Variants in SDK1 observed in about 807,000 individuals in gnomAD.
SDK1 encodes sidekick cell adhesion molecule 1.
Under a neutral mutation model 245.5 loss-of-function variants are expected in SDK1, and 157 were observed. The ratio of observed to expected loss-of-function variants is 0.64; its 90% CI spans 0.56 to 0.73. The LOEUF is 0.73. SDK1 is among the 30% of genes least tolerant of loss of function. The pLI, the probability that SDK1 is intolerant of heterozygous loss-of-function variation, is 0.00. For missense variants in SDK1, 3,583 were observed against 3,002.3 expected, an observed-to-expected ratio of 1.19 and a Z score of -4.52; for synonymous variants, 1,647 against 1,278.5, an observed-to-expected ratio of 1.29 and a Z score of -6.15.
chr7:3,466,109 C>T (rs1341087614), intron 1 of SDK1, among the ~76,000 whole-genome samples: 2 of 151,928 alleles, frequency 1.3e-5, no homozygotes, highest in African/African-American at 2.4e-5. Flanking sequence ...TGACTACTAC[C>T]ATGTGGAGCA....
chr7:3,586,859 T>G (rs1282602529), intron 1 of SDK1, among the ~76,000 whole-genome samples: 1 of 152,122 alleles, frequency 6.6e-6, no homozygotes, highest in Non-Finnish European at 1.5e-5. Flanking sequence ...AGCTGCCACT[T>G]GAGCAGGGAG....
At chr7:3,952,659 T>C (rs1583618435) in intron 7 of SDK1, among the ~76,000 whole-genome samples, 1 of 151,760 alleles carries the variant, frequency 6.6e-6, no homozygotes, top group Middle Eastern at 3.4e-3. Context: ...TAGCAGAAAA[T>C]GTAAAACTAT....
At chr7:3,865,826 A>G (rs951118629) in intron 5 of SDK1, among the ~76,000 whole-genome samples, 3 of 152,080 alleles carry the variant, frequency 2.0e-5, no homozygotes, top group African/African-American at 4.8e-5. Flanking sequence ...CATCAGTTTT[A>G]TGGATTTTTC....
chr7:3,677,051 C>G (rs548847255), intron 4 of SDK1, among the ~76,000 whole-genome samples: 1 of 152,162 alleles, frequency 6.6e-6, no homozygotes, highest in Non-Finnish European at 1.5e-5. Context: ...ATGTTTGTTT[C>G]TTATGACTTC....
chr7:3,502,604 CA>C (rs1782252700), intron 1 of SDK1, among the ~76,000 whole-genome samples: 1 of 152,166 alleles, frequency 6.6e-6, no homozygotes. Flanking sequence ...ATTGCACATA[CA>C]AAATTTGGAT....
At chr7:3,597,492 G>T (rs886657975) in intron 1 of SDK1, among the ~76,000 whole-genome samples, 1 of 152,116 alleles carries the variant, frequency 6.6e-6, no homozygotes, top group Non-Finnish European at 1.5e-5. Context: ...CGGCGGCGGG[G>T]AGGCCACCTG....
intron 1 of SDK1, among the ~76,000 whole-genome samples, chr7:3,580,053 C>G (rs948223998): frequency 6.6e-6 from 1 of 152,122 alleles, no homozygotes; most frequent in African/African-American, 2.4e-5. Context: ...TAGCCACAAA[C>G]ATAATGTAAT....
chr7:3,303,677 A>G (rs1364222943), intron 1 of SDK1, among the ~76,000 whole-genome samples: 1 of 152,196 alleles, frequency 6.6e-6, no homozygotes, highest in African/African-American at 2.4e-5. Context: ...AAAATTTCAG[A>G]TAGGTTGTCA....
intron 1 of SDK1, among the ~76,000 whole-genome samples, chr7:3,610,564 T>C (rs1781555205): frequency 6.6e-6 from 1 of 152,224 alleles, no homozygotes; most frequent in African/African-American, 2.4e-5. Context: ...TATTAATTTA[T>C]ATACTGAAAT....
intron 35 of SDK1, among the ~76,000 whole-genome samples, chr7:4,205,177 A>G (rs1469997414): frequency 3.3e-5 from 5 of 152,288 alleles, no homozygotes; most frequent in Admixed American, 6.5e-5. Context: ...TCAGAGAGCA[A>G]AGTGCAGCCA....
intron 18 of SDK1, among the ~76,000 whole-genome samples, chr7:4,049,767 A>G (rs1410788013): frequency 6.6e-6 from 1 of 152,214 alleles, no homozygotes; most frequent in Admixed American, 6.5e-5. Context: ...GAATATTTGC[A>G]CAAACTACTT....
intron 35 of SDK1, among the ~76,000 whole-genome samples, chr7:4,199,449 C>G (rs962422099): frequency 2.6e-5 from 4 of 152,208 alleles, no homozygotes; most frequent in Non-Finnish European, 4.4e-5. Flanking sequence ...AAGATCATTA[C>G]TGGACGAAAT....
chr7:3,716,292 A>G (rs1785199960), intron 4 of SDK1, among the ~76,000 whole-genome samples: 2 of 152,188 alleles, frequency 1.3e-5, no homozygotes. Context: ...ACAAGCCTAC[A>G]GATTCAAGAA....
intron 35 of SDK1, among the ~76,000 whole-genome samples, chr7:4,190,725 C>T (rs1182704134): frequency 6.6e-6 from 1 of 152,248 alleles, no homozygotes; most frequent in Non-Finnish European, 1.5e-5. Flanking sequence ...TCAGAATTCA[C>T]GGCTTCCTTC....
intron 2 of SDK1, among the ~76,000 whole-genome samples, chr7:3,633,385 C>A (rs1286904060): frequency 1.3e-5 from 2 of 152,084 alleles, no homozygotes; most frequent in Non-Finnish European, 2.9e-5. Context: ...TGGTTTTGGC[C>A]TGTAACAGGT....
chr7:3,965,727 G>A (rs1184031554), intron 9 of SDK1, among the ~76,000 whole-genome samples: 1 of 149,666 alleles, frequency 6.7e-6, no homozygotes, highest in East Asian at 2.0e-4. Flanking sequence ...CCAGCCAGGG[G>A]TGCTGCAGAA....
At chr7:3,855,995 T>C (rs1780535916) in intron 5 of SDK1, among the ~76,000 whole-genome samples, 1 of 152,200 alleles carries the variant, frequency 6.6e-6, no homozygotes, top group Admixed American at 6.5e-5. Flanking sequence ...AAGAATTTAC[T>C]GAAACTTACT....
intron 1 of SDK1, among the ~76,000 whole-genome samples, chr7:3,605,141 A>G (rs1334931764): frequency 1.4e-5 from 1 of 69,758 alleles, no homozygotes; most frequent in Non-Finnish European, 2.7e-5. Flanking sequence ...AAAAAAAAAC[A>G]AGAAACACAC....
chr7:3,736,437 C>T (rs1468590833), intron 4 of SDK1, among the ~76,000 whole-genome samples: 1 of 152,084 alleles, frequency 6.6e-6, no homozygotes, highest in East Asian at 1.9e-4. Flanking sequence ...CCATGCCCAG[C>T]TAATTTGTTC....
Sources: allele counts gnomAD v4.1 joint callset (sites outside exome capture counted in the v4.1 genomes callset), GRCh38; gene constraint gnomAD v4.1.1; transcripts MANE v1.5; gene names NCBI Gene and HGNC (gene_info 2026-07-23, HGNC 2026-07-21).